The following ZFHX3 variants were observed in gnomAD, a reference collection of about 807,000 sequenced individuals.
ZFHX3 encodes zinc finger homeobox protein 3.
Under a neutral mutation model 279.1 loss-of-function variants are expected in ZFHX3, and 42 were observed. That is an observed-to-expected ratio of 0.15 (90% CI 0.12 to 0.19). The LOEUF is 0.19. ZFHX3 is among the 10% of genes least tolerant of loss of function. The probability of loss-of-function intolerance (pLI) is 1.00; values close to 1 mark genes in which losing one functional copy is unlikely to be tolerated. For synonymous variants in ZFHX3, 2,293 were observed against 1,957.8 expected (o/e 1.17, Z -4.52); for missense variants, 4,981 against 4,754.0 (o/e 1.05, Z -1.40).
intron 3 of ZFHX3, among the ~76,000 whole-genome samples, chr16:73,372,778 C>T (rs879094939): frequency 6.6e-6 from 1 of 152,138 alleles, no homozygotes; most frequent in Non-Finnish European, 1.5e-5. Flanking sequence ...AGTCCTGGGG[C>T]TTAGGGGCAT....
At chr16:73,819,569 A>C (rs1449485624) in intron 1 of ZFHX3, among the ~76,000 whole-genome samples, 1 of 152,176 alleles carries the variant, frequency 6.6e-6, no homozygotes, top group Non-Finnish European at 1.5e-5. Flanking sequence ...ATATTGAACA[A>C]TGTGGCTGTA....
At chr16:73,261,953 G>A (rs1338221468) in intron 4 of ZFHX3, among the ~76,000 whole-genome samples, 1 of 152,176 alleles carries the variant, frequency 6.6e-6, no homozygotes, top group Non-Finnish European at 1.5e-5. Context: ...GGGATTACAG[G>A]CGTGAGCTAC....
chr16:73,134,019 A>G (rs927369120), intron 6 of ZFHX3, among the ~76,000 whole-genome samples: 10 of 152,314 alleles, frequency 6.6e-5, no homozygotes, highest in African/African-American at 2.4e-4. Context: ...CTCTGTGTCT[A>G]TCTATATCTA....
rs2018130710 is a variant in ZFHX3 at position 73,443,461 on chromosome 16, C to T, written c.-1291+12542G>A. On this transcript the variant is annotated intron_variant, in intron 3 of 17. Transcript: ENST00000641206. ...AGATGATAGTTTCTTCTCTGAAAGTCTCCTCCAATGGACACACCACAAGAT... is the reference window on the plus strand; with the variant it reads ...AGATGATAGTTTCTTCTCTGAAAGTTTCCTCCAATGGACACACCACAAGAT... Among the ~76,000 whole-genome samples, 6 of 152,326 alleles carry T rather than the reference C, an allele frequency of 3.9e-5. No homozygotes were observed. The South Asian group carries it at 1.2e-3, about 32-fold the overall frequency.
At chr16:72,943,676 T>A (rs1001145118) in intron 3 of ZFHX3, among the ~76,000 whole-genome samples, 3 of 152,212 alleles carry the variant, frequency 2.0e-5, no homozygotes, top group Non-Finnish European at 2.9e-5. Flanking sequence ...TGTTGGTCAC[T>A]GTGTGGGAGT....
At chr16:73,220,768 GTGTGTGTGTT>G (rs2012388737) in intron 5 of ZFHX3, among the ~76,000 whole-genome samples, 1 of 152,120 alleles carries the variant, frequency 6.6e-6, no homozygotes, top group African/African-American at 2.4e-5. Flanking sequence ...TTGTGTGTGT[GTGTGTGTGTT>G]TGTGTGTGTG....
intron 3 of ZFHX3, among the ~76,000 whole-genome samples, chr16:73,320,884 A>G (rs1317633950): frequency 6.6e-6 from 1 of 152,202 alleles, no homozygotes; most frequent in Non-Finnish European, 1.5e-5. Flanking sequence ...AATTGGACAC[A>G]TGGCAGAAGA....
chr16:73,197,171 GAC>G (rs1365133004), intron 5 of ZFHX3, among the ~76,000 whole-genome samples: 4 of 152,136 alleles, frequency 2.6e-5, no homozygotes, highest in African/African-American at 9.7e-5. Context: ...ACTGAGTCTT[GAC>G]ACTGTTGTTT....
intron 1 of ZFHX3, among the ~76,000 whole-genome samples, chr16:73,752,063 G>C (rs1341718905): frequency 6.6e-6 from 1 of 152,176 alleles, no homozygotes; most frequent in Admixed American, 6.5e-5. Flanking sequence ...TCTATAAGCA[G>C]AGAAAGAGAG....
intron 3 of ZFHX3, among the ~76,000 whole-genome samples, chr16:72,919,312 C>G (rs529867942): frequency 1.3e-5 from 2 of 152,240 alleles, no homozygotes; most frequent in East Asian, 3.9e-4. Context: ...GCGTGCACCA[C>G]CACACCTGGC....
chr16:73,206,744 A>T (rs1304157818), intron 5 of ZFHX3, among the ~76,000 whole-genome samples: 3 of 152,144 alleles, frequency 2.0e-5, no homozygotes, highest in Non-Finnish European at 4.4e-5. Flanking sequence ...TAGGCCGGGC[A>T]TGGTGGCTCA....
At position 73,415,217 on chromosome 16, in the gene ZFHX3, T is replaced by C. The variant is rs559654889; in HGVS notation, c.-1291+40786A>G. ...GTAATTTCTAATTGTATATTTAAAA[T>C]ATCAATACGAAGTGGTTCTGGGCTG... On this transcript the variant is annotated intron_variant, in intron 3 of 17. Coordinates refer to the ZFHX3 transcript ENST00000641206. Among the ~76,000 whole-genome samples, 6 of 152,338 alleles carry C rather than the reference T, an allele frequency of 3.9e-5. No individual in the cohort carries two copies. In the South Asian group the frequency reaches 1.2e-3, roughly 32 times the overall value.
chr16:73,133,484 A>G (rs1966733436), intron 6 of ZFHX3, among the ~76,000 whole-genome samples: 1 of 152,162 alleles, frequency 6.6e-6, no homozygotes, highest in Non-Finnish European at 1.5e-5. Flanking sequence ...GGGTAAATTG[A>G]GGGCATATGG....
chr16:73,131,345 A>G (rs4788704), intron 6 of ZFHX3, among the ~76,000 whole-genome samples: 16,619 of 152,276 alleles, frequency 0.11, 961 homozygotes, highest in Middle Eastern at 0.14. Flanking sequence ...TACATGACTC[A>G]TACAATCTTT....
chr16:73,379,777 G>T (rs2016788686), intron 3 of ZFHX3, among the ~76,000 whole-genome samples: 1 of 152,158 alleles, frequency 6.6e-6, no homozygotes, highest in Non-Finnish European at 1.5e-5. Flanking sequence ...CACTGCTAAA[G>T]CACTTATCCT....
intron 3 of ZFHX3, among the ~76,000 whole-genome samples, chr16:73,391,702 G>A (rs573559666): frequency 6.6e-6 from 1 of 152,240 alleles, no homozygotes; most frequent in South Asian, 2.1e-4. Flanking sequence ...GACAGGGAGG[G>A]ACATCTGGAA....
intron 1 of ZFHX3, among the ~76,000 whole-genome samples, chr16:73,741,970 C>A (rs749461361): frequency 3.3e-5 from 5 of 152,102 alleles, no homozygotes; most frequent in Non-Finnish European, 7.4e-5. Context: ...GTATTCACAC[C>A]ATAAGAATAA....
chr16:73,388,235 T>C (rs2016940559), intron 3 of ZFHX3, among the ~76,000 whole-genome samples: 1 of 152,070 alleles, frequency 6.6e-6, no homozygotes, highest in African/African-American at 2.4e-5. Context: ...TGTCTATGTG[T>C]ATCCAGGCCT....
intron 3 of ZFHX3, among the ~76,000 whole-genome samples, chr16:73,439,598 C>T (rs1039706319): frequency 6.6e-6 from 1 of 152,140 alleles, no homozygotes; most frequent in Admixed American, 6.5e-5. Flanking sequence ...TATAATTAGA[C>T]TGAATATACA....
Sources: allele counts gnomAD v4.1 joint callset (sites outside exome capture counted in the v4.1 genomes callset), GRCh38; gene constraint gnomAD v4.1.1; transcripts MANE v1.5; gene names NCBI Gene and HGNC (gene_info 2026-07-23, HGNC 2026-07-21).